Variants in AP3B1 observed in about 807,000 individuals in gnomAD.
The protein encoded by AP3B1 is adaptor related protein complex 3 subunit beta 1, also known as AP-3 complex subunit beta-1.
Under a neutral mutation model 132.5 loss-of-function variants are expected in AP3B1, and 61 were observed. That is an observed-to-expected ratio of 0.46 (90% CI 0.37 to 0.57). The LOEUF is 0.57. Ranked by LOEUF, AP3B1 falls within the 20% of genes least tolerant of loss-of-function variation. The probability of loss-of-function intolerance (pLI) is 0.00; values close to 1 mark genes in which losing one functional copy is unlikely to be tolerated. For missense variants in AP3B1, 1,120 were observed against 1,289.4 expected (o/e 0.87, Z 2.01); for synonymous variants, 388 against 438.3 (o/e 0.89, Z 1.43).
chr5:78,154,539 T>C (rs540592509), intron 14 of AP3B1, among the ~76,000 whole-genome samples: 1 of 152,188 alleles, frequency 6.6e-6, no homozygotes, highest in Admixed American at 6.5e-5. Flanking sequence ...AAACTTTCCA[T>C]CCCTGCCCCT....
At chr5:78,150,594 C>T (rs373826360) in intron 14 of AP3B1, among the ~76,000 whole-genome samples, 18 of 152,250 alleles carry the variant, frequency 1.2e-4, no homozygotes, top group African/African-American at 4.3e-4. Flanking sequence ...TACTATGTGC[C>T]AGCCAGCGTT....
intron 1 of AP3B1, among the ~76,000 whole-genome samples, chr5:78,280,513 C>T (rs1749003567): frequency 6.6e-6 from 1 of 152,156 alleles, no homozygotes; most frequent in Non-Finnish European, 1.5e-5. Context: ...AACAGATGGG[C>T]ATACACACAA....
intron 26 of AP3B1, among the ~76,000 whole-genome samples, chr5:78,010,528 T>TA: frequency 6.6e-6 from 1 of 152,346 alleles, no homozygotes; most frequent in East Asian, 1.9e-4. Flanking sequence ...CCACTGCACT[T>TA]ACTCATAAGT....
intron 22 of AP3B1, chr5:78,043,170 C>CT (rs2112109232): frequency 6.5e-6 from 1 of 153,364 alleles, no homozygotes; most frequent in Admixed American, 6.5e-5. Flanking sequence ...GTGTAACACT[C>CT]TGTCGTCCAG....
intron 5 of AP3B1, 59 bp from the exon 6 acceptor site, chr5:78,225,667 C>T: frequency 9.4e-7 from 1 of 1,069,236 alleles, no homozygotes; most frequent in South Asian, 1.4e-5. Flanking sequence ...TTACATGATG[C>T]TCACCAATTC....
At chr5:78,035,359 T>C (rs1451170882) in intron 23 of AP3B1, among the ~76,000 whole-genome samples, 1 of 152,042 alleles carries the variant, frequency 6.6e-6, no homozygotes, top group Non-Finnish European at 1.5e-5. Context: ...TACCATACAA[T>C]CACTTTATAT....
chr5:78,252,846 A>G (rs372673706), intron 2 of AP3B1, among the ~76,000 whole-genome samples: 1 of 152,206 alleles, frequency 6.6e-6, no homozygotes, highest in East Asian at 1.9e-4. Flanking sequence ...TGGCTTTGCT[A>G]CCTGCTGACT....
At chr5:78,048,140 T>C (rs1276723507) in intron 22 of AP3B1, among the ~76,000 whole-genome samples, 1 of 152,250 alleles carries the variant, frequency 6.6e-6, no homozygotes, top group Non-Finnish European at 1.5e-5. Flanking sequence ...ACTTTTTTCT[T>C]TTGGATTTCC....
chr5:78,023,439 C>CAAGAAAAGAAAAGAAAAGAA (rs58834256), intron 24 of AP3B1, among the ~76,000 whole-genome samples: 101 of 148,628 alleles, frequency 6.8e-4, no homozygotes, highest in African/African-American at 2.2e-3. Context: ...GAGACCCCAT[C>CAAGAAAAGAAAAGAAAAGAA]AAGAAAAGAA....
At chr5:78,093,319 A>C (rs1321195351) in intron 21 of AP3B1, among the ~76,000 whole-genome samples, 1 of 152,178 alleles carries the variant, frequency 6.6e-6, no homozygotes, top group Middle Eastern at 3.2e-3. Context: ...TTGGCCTCCA[A>C]AGTGCTAGAT....
chr5:78,057,638 TTTGCCAATC>T (rs1748870663), intron 22 of AP3B1, among the ~76,000 whole-genome samples: 1 of 151,946 alleles, frequency 6.6e-6, no homozygotes, highest in Admixed American at 6.5e-5. Flanking sequence ...CCCCTTACTT[TTTGCCAATC>T]TTGCACACAG....
At chr5:78,270,308 T>G (rs1748497662) in intron 1 of AP3B1, among the ~76,000 whole-genome samples, 1 of 152,166 alleles carries the variant, frequency 6.6e-6, no homozygotes, top group Non-Finnish European at 1.5e-5. Context: ...GAAAGGACTT[T>G]TACCATTTGA....
chr5:78,115,581 G>T (rs928205843), intron 18 of AP3B1, among the ~76,000 whole-genome samples: 5 of 152,108 alleles, frequency 3.3e-5, no homozygotes, highest in Non-Finnish European at 7.4e-5. Context: ...AAAAGCCAGG[G>T]CCTCTAAATC....
At chr5:78,292,001 G>A (rs896002943) in intron 1 of AP3B1, among the ~76,000 whole-genome samples, 2 of 152,130 alleles carry the variant, frequency 1.3e-5, no homozygotes, top group Non-Finnish European at 2.9e-5. Context: ...GAATATGCAT[G>A]GGGAGAGTGA....
At chr5:78,048,755 T>C (rs16875027) in intron 22 of AP3B1, among the ~76,000 whole-genome samples, 4,033 of 152,294 alleles carry the variant, frequency 0.026, 164 homozygotes, top group East Asian at 0.14. Context: ...GAAGTTGTTT[T>C]CTCTGAACTG....
intron 16 of AP3B1, 128 bp from the exon 17 acceptor site, chr5:78,128,288 G>C: frequency 2.1e-5 from 17 of 808,838 alleles, no homozygotes; most frequent in Non-Finnish European, 2.9e-5. Context: ...AGACTAGGAA[G>C]CTCTTCATAG....
At chr5:78,161,075 T>G (rs1743368776) in intron 13 of AP3B1, among the ~76,000 whole-genome samples, 1 of 151,976 alleles carries the variant, frequency 6.6e-6, no homozygotes, top group Non-Finnish European at 1.5e-5. Context: ...TTTAAAGTAG[T>G]TAAACTAAAT....
intron 25 of AP3B1, among the ~76,000 whole-genome samples, chr5:78,019,947 A>C (rs963171491): frequency 1.4e-4 from 22 of 152,232 alleles, no homozygotes; most frequent in Non-Finnish European, 1.3e-4. Context: ...ACTGCTGACT[A>C]TAGCATTTAA....
chr5:78,272,813 ACT>A (rs1318982132), intron 1 of AP3B1, among the ~76,000 whole-genome samples: 4 of 152,054 alleles, frequency 2.6e-5, no homozygotes, highest in African/African-American at 4.8e-5. Context: ...AGGTCAAATA[ACT>A]CTAAAAGTTT....
Sources: gnomAD v4.1 joint callset for allele counts (sites outside exome capture counted in the v4.1 genomes callset) on GRCh38, gnomAD v4.1.1 for gene constraint, MANE v1.5 for transcripts, NCBI Gene and HGNC (gene_info 2026-07-23, HGNC 2026-07-21) for gene names.